GRID2: variants seen among roughly 807,000 people sequenced by gnomAD.
The protein encoded by GRID2 is glutamate ionotropic receptor delta type subunit 2.
GRID2 carries 33 observed loss-of-function variants against 114.8 expected under a neutral mutation model. That is an observed-to-expected ratio of 0.29 (90% CI 0.22 to 0.38). GRID2 has a LOEUF of 0.38. GRID2 is among the 10% of genes least tolerant of loss of function. GRID2 has a pLI of 1.00. For synonymous variants in GRID2, 505 were observed against 449.9 expected (o/e 1.12, Z -1.55); for missense variants, 1,184 against 1,257.7 (o/e 0.94, Z 0.89).
intron 1 of GRID2, among the ~76,000 whole-genome samples, chr4:93,782,528 G>C (rs1734500807): frequency 6.6e-6 from 1 of 152,102 alleles, no homozygotes; most frequent in South Asian, 2.1e-4. Flanking sequence ...AGGTAGGTCT[G>C]AAATACTCAT....
chr4:92,487,750 GT>G (rs1579451919), intron 1 of GRID2, among the ~76,000 whole-genome samples: 1 of 128,532 alleles, frequency 7.8e-6, no homozygotes, highest in Non-Finnish European at 1.6e-5. Flanking sequence ...ATTGTTGTGG[GT>G]TTTTTGTTTG....
intron 2 of GRID2, among the ~76,000 whole-genome samples, chr4:92,726,079 G>C (rs1445582744): frequency 6.6e-6 from 1 of 151,884 alleles, no homozygotes; most frequent in Admixed American, 6.6e-5. Context: ...TCATAGATGA[G>C]AGAGAAAAGA....
rs192901800 is a variant in GRID2 at position 93,625,641 on chromosome 4, C to A, written c.2194-628C>A. ...ATGAAAAACAATACAGTGGGCCGGG[C>A]GCGGTGGCTCACGCCTGTAATCTCA... is the stretch of plus-strand genomic sequence containing the variant. On this transcript the variant is annotated intron_variant, in intron 13 of 15. Coordinates refer to ENST00000282020, the MANE Select transcript of GRID2 (RefSeq NM_001510.4). 2.4e-3 allele frequency among the ~76,000 whole-genome samples: 366 copies of A among 152,320 alleles called. 1 individual carries two copies. The highest frequency in any genetic ancestry group is 8.6e-3 in the African/African-American group (356 of 41,576).
In GRID2 at chr4:92,807,503, G is replaced by T. The variant is rs963933054; in HGVS notation, c.244+217217G>T. 3.3e-5 allele frequency among the ~76,000 whole-genome samples: 5 copies of T among 152,002 alleles called. No homozygotes were observed. In the East Asian group the frequency reaches 9.7e-4, roughly 29 times the overall value. ...AAATAAGCAGTGAATACAAGGAGTT[G>T]TAATTGGAATATTTCTCAAATGAAG... On this transcript the variant is annotated intron_variant, in intron 2 of 15. Coordinates refer to ENST00000282020, the MANE Select transcript of GRID2 (RefSeq NM_001510.4).
chr4:92,580,273 T>G (rs1728116324), intron 1 of GRID2, among the ~76,000 whole-genome samples: 1 of 151,482 alleles, frequency 6.6e-6, no homozygotes, highest in Non-Finnish European at 1.5e-5. Flanking sequence ...GGAAAAATAA[T>G]CAGTGGATAT....
rs535331760 is a variant in GRID2, at chr4:93,294,699, C to T, written c.1245+56209C>T. 3.3e-5 allele frequency among the ~76,000 whole-genome samples: 5 copies of T among 152,206 alleles called. No homozygotes were observed. In the East Asian group the frequency reaches 9.7e-4, roughly 29 times the overall value. On this transcript the variant is annotated intron_variant, in intron 8 of 15. Transcript: ENST00000282020. ...TCAGCCTCCCGAGTAGCTGGGATTA[C>T]AGGCACGTACCACCATGCCCAGGTA...
chr4:92,731,513 T>G (rs1736328014), intron 2 of GRID2, among the ~76,000 whole-genome samples: 1 of 151,920 alleles, frequency 6.6e-6, no homozygotes, highest in African/African-American at 2.4e-5. Context: ...AACAATACCT[T>G]TATTTTAAAG....
intron 8 of GRID2, among the ~76,000 whole-genome samples, chr4:93,281,054 T>G (rs1468556611): frequency 6.6e-6 from 1 of 151,786 alleles, no homozygotes; most frequent in Non-Finnish European, 1.5e-5. Flanking sequence ...TATAAATATA[T>G]ACACACATAT....
intron 1 of GRID2, among the ~76,000 whole-genome samples, chr4:92,358,279 T>C (rs1728443296): frequency 6.6e-6 from 1 of 151,976 alleles, no homozygotes; most frequent in Non-Finnish European, 1.5e-5. Context: ...CATGGTTGCA[T>C]CTGTATTGTA....
intron 8 of GRID2, among the ~76,000 whole-genome samples, chr4:93,300,632 G>A (rs1392800473): frequency 1.3e-5 from 2 of 152,160 alleles, no homozygotes; most frequent in African/African-American, 4.8e-5. Flanking sequence ...GTCTTGGGGT[G>A]ACACTTTGTG....
intron 2 of GRID2, among the ~76,000 whole-genome samples, chr4:93,067,269 A>C (rs1728378336): frequency 6.6e-6 from 1 of 151,976 alleles, no homozygotes; most frequent in South Asian, 2.1e-4. Context: ...CTCTTTTGCC[A>C]AGCACCCTTA....
At chr4:93,061,557 A>T (rs1727811852) in intron 2 of GRID2, among the ~76,000 whole-genome samples, 1 of 152,142 alleles carries the variant, frequency 6.6e-6, no homozygotes, top group Admixed American at 6.6e-5. Flanking sequence ...TCTATGAAAG[A>T]AGAAAGTGAA....
rs1726901972 is a variant in GRID2, at chr4:93,490,642, G to A, written c.1862G>A (p.Gly621Glu). 1 of 1,607,526 alleles carries A rather than the reference G, an allele frequency of 6.2e-7. No homozygotes were observed. Among genetic ancestry groups the A allele is most frequent in the Admixed American group, 1.7e-5 (1 of 59,646 alleles). ...FVYGSFVQQG[G>E]EVPYTTLATR... ...ATCTCTTTGCTTCTTTCTACAGGCG[G>A]GGAAGTCCCGTACACGACTCTGGCT... The change falls in exon 12 of 16, where the codon GGG becomes GAG. Residue 621 changes from glycine (G) to glutamate (E), a missense_variant. Gly to Glu is a moderately conservative substitution (Grantham distance 98). Coordinates refer to ENST00000282020, the MANE Select transcript of GRID2 (RefSeq NM_001510.4).
At chr4:93,141,347 G>C (rs1036037063) in intron 4 of GRID2, among the ~76,000 whole-genome samples, 1 of 152,046 alleles carries the variant, frequency 6.6e-6, no homozygotes, top group East Asian at 1.9e-4. Context: ...AACCAAATAA[G>C]TTTAGTTTTG....
intron 4 of GRID2, among the ~76,000 whole-genome samples, chr4:93,160,259 A>C (rs1360446390): frequency 6.6e-6 from 1 of 151,842 alleles, no homozygotes; most frequent in Non-Finnish European, 1.5e-5. Flanking sequence ...ATAAAGCCTA[A>C]AATTTGTACA....
chr4:93,039,549 G>C (rs1276404529), intron 2 of GRID2, among the ~76,000 whole-genome samples: 1 of 151,970 alleles, frequency 6.6e-6, no homozygotes, highest in Non-Finnish European at 1.5e-5. Context: ...GAATACAGCA[G>C]GCTTTACTAG....
intron 2 of GRID2, among the ~76,000 whole-genome samples, chr4:92,816,344 A>G (rs1293066742): frequency 2.7e-5 from 4 of 150,006 alleles, no homozygotes; most frequent in Non-Finnish European, 5.9e-5. Context: ...AAAAAAAAGT[A>G]CATTTTACTA....
intron 1 of GRID2, among the ~76,000 whole-genome samples, chr4:92,560,900 G>T (rs568397613): frequency 8.5e-5 from 13 of 152,142 alleles, no homozygotes; most frequent in African/African-American, 3.1e-4. Context: ...TAGAGACAGG[G>T]TTTCACCATG....
At chr4:93,375,109 C>T (rs1763249829) in intron 8 of GRID2, among the ~76,000 whole-genome samples, 1 of 152,082 alleles carries the variant, frequency 6.6e-6, no homozygotes, top group African/African-American at 2.4e-5. Context: ...TAACCTAATC[C>T]ATCACTGCAG....
Sources: allele counts gnomAD v4.1 joint callset (sites outside exome capture counted in the v4.1 genomes callset), GRCh38; gene constraint gnomAD v4.1.1; transcripts MANE v1.5; gene names NCBI Gene and HGNC (gene_info 2026-07-23, HGNC 2026-07-21).